CACNA1C: variants seen among roughly 807,000 people sequenced by gnomAD.
CACNA1C encodes voltage-dependent L-type calcium channel subunit alpha-1C.
A neutral mutation model predicts 229.0 loss-of-function variants in CACNA1C; 30 were observed. The ratio of observed to expected loss-of-function variants is 0.13; its 90% CI spans 0.10 to 0.18. The LOEUF is 0.18. CACNA1C is among the 10% of genes least tolerant of loss of function. CACNA1C has a pLI of 1.00. For missense variants in CACNA1C, 1,658 were observed against 2,845.0 expected, an observed-to-expected ratio of 0.58 and a Z score of 9.49; for synonymous variants, 1,114 against 1,132.5, an observed-to-expected ratio of 0.98 and a Z score of 0.33.
At chr12:2,451,104 A>G (rs1024287984) in intron 4 of CACNA1C, among the ~76,000 whole-genome samples, 1 of 152,188 alleles carries the variant, frequency 6.6e-6, no homozygotes, top group Non-Finnish European at 1.5e-5. Context: ...TACGAGGTGC[A>G]CTAAGGTTAT....
chr12:2,122,956 A>C (rs552774944), intron 3 of CACNA1C, among the ~76,000 whole-genome samples: 32 of 152,260 alleles, frequency 2.1e-4, no homozygotes, highest in Admixed American at 5.2e-4. Flanking sequence ...TGGTCTGGGG[A>C]TGCGCATCAA....
chr12:2,551,450 C>G (rs117815093), intron 10 of CACNA1C, among the ~76,000 whole-genome samples: 1 of 152,206 alleles, frequency 6.6e-6, no homozygotes, highest in African/African-American at 2.4e-5. Context: ...TAGCCACATT[C>G]GTACTCTGTG....
chr12:2,398,003 C>T (rs1024732652), intron 3 of CACNA1C, among the ~76,000 whole-genome samples: 1 of 152,222 alleles, frequency 6.6e-6, no homozygotes. Flanking sequence ...CCTGTCACTC[C>T]TGAATCTCCA....
Position 2,319,659 on chromosome 12 carries a change from A to C in CACNA1C, c.478-129317A>C, listed in dbSNP as rs761800226. Reference sequence around the variant, plus strand: ...CTCATCTTCTTCAGACATTTCTTTTACTCTTTGGCTTGCTCTTGCTGTGTA... The same window carrying C: ...CTCATCTTCTTCAGACATTTCTTTTCCTCTTTGGCTTGCTCTTGCTGTGTA... On this transcript the variant is annotated intron_variant, in intron 3 of 46. Coordinates refer to ENST00000399655, the MANE Select transcript of CACNA1C (RefSeq NM_000719.7). This position sits in a 1 kb window ranked among gnomAD's most constrained non-coding sequence, Gnocchi z 4.0. 6.6e-6 allele frequency among the ~76,000 whole-genome samples: 1 copy of C among 150,874 alleles called. No individual in the cohort carries two copies. Among genetic ancestry groups the C allele is most frequent in the Non-Finnish European group, 1.5e-5 (1 of 67,674 alleles).
chr12:2,004,726 C>CT, intron 1 of CACNA1C: 1 of 428,558 alleles, frequency 2.3e-6, no homozygotes, highest in Admixed American at 4.2e-5. Context: ...AGCCTTTGAG[C>CT]TGTGTGTGCG....
chr12:2,171,274 C>T (rs984330327), intron 3 of CACNA1C, among the ~76,000 whole-genome samples: 2 of 152,122 alleles, frequency 1.3e-5, no homozygotes, highest in Non-Finnish European at 2.9e-5. Context: ...CAAACTGGCC[C>T]CGTAGAGATT....
At chr12:1,979,007 AAGTCTT>A (rs2035282413) in intron 1 of CACNA1C, among the ~76,000 whole-genome samples, 1 of 152,104 alleles carries the variant, frequency 6.6e-6, no homozygotes, top group Admixed American at 6.5e-5. Context: ...ATTTGTGTAA[AAGTCTT>A]TGTGTGGACA....
chr12:2,649,681 GTTTT>G lies in CACNA1C; in HGVS notation c.3945+1178_3945+1181del, dbSNP rs3216324. 1.4e-5 allele frequency among the ~76,000 whole-genome samples: 2 copies of G among 139,452 alleles called. No homozygotes were observed. The highest frequency in any genetic ancestry group is 2.3e-4 in the South Asian group (1 of 4,300). The allele number at this position is 139,452 out of a possible 152,430, so 91.5% of individuals were successfully genotyped here. A position where few individuals can be genotyped will look rare whatever the true frequency, so the allele number is the denominator to read the frequency against. On this transcript the variant is annotated intron_variant, in intron 31 of 46. Transcript: ENST00000399655. This position sits in a 1 kb window ranked among gnomAD's most constrained non-coding sequence, Gnocchi z 4.4. ...AAGCTTGGTGTTTGGCGTTTTTTGG[GTTTT>G]TTTGTTTGTTTATTTTGTTTTTTTA...
chr12:2,305,452 G>A (rs2094936380), intron 3 of CACNA1C, among the ~76,000 whole-genome samples: 1 of 152,160 alleles, frequency 6.6e-6, no homozygotes, highest in Admixed American at 6.5e-5. Flanking sequence ...GTCCTACCTG[G>A]GGTGTTTTCC....
chr12:2,010,253 A>AT (rs1403390473), intron 1 of CACNA1C, among the ~76,000 whole-genome samples: 2 of 152,248 alleles, frequency 1.3e-5, no homozygotes, highest in African/African-American at 4.8e-5. Flanking sequence ...ACAGAGGAAG[A>AT]TAAAATATAG....
At position 2,697,703 on chromosome 12, in the gene CACNA1C, G is replaced by T. The variant is rs1603475971; in HGVS notation, c.*6504G>T. On this transcript the variant is annotated 3_prime_UTR_variant, in exon 47 of 47. Coordinates refer to ENST00000399655, the MANE Select transcript of CACNA1C (RefSeq NM_000719.7). Reference sequence around the variant, plus strand: ...CAGTCTTACTGTTGTAAATATCATTGTACAGTTTGTAATCCTCAAATAATC... The same window carrying T: ...CAGTCTTACTGTTGTAAATATCATTTTACAGTTTGTAATCCTCAAATAATC... 6.6e-6 allele frequency: 1 copy of T among 151,092 alleles called. No individual in the cohort carries two copies. The highest frequency in any genetic ancestry group is 1.5e-5 in the Non-Finnish European group (1 of 67,872). 9.4% of individuals were successfully genotyped at this position (151,092 alleles called of 1,614,324 possible).
rs143876435 is a variant in CACNA1C, at chr12:2,054,282, T to G, written c.49+671T>G. ...CCGCTCACCTACACCCACCCACCTC[T>G]CCACTGCTGTTGACCCCGAGCGCGC... is the stretch of plus-strand genomic sequence containing the variant. On this transcript the variant is annotated intron_variant, in intron 1 of 46. Coordinates refer to ENST00000399655, the MANE Select transcript of CACNA1C (RefSeq NM_000719.7). The surrounding 1 kb of genome is among the most constrained non-coding windows in gnomAD (Gnocchi z 5.5). 5.1e-3 allele frequency among the ~76,000 whole-genome samples: 771 copies of G among 152,134 alleles called. 3 individuals are homozygous for G. Among genetic ancestry groups the G allele is most frequent in the Middle Eastern group, 0.01 (3 of 294 alleles).
At chr12:2,332,994 G>A (rs1224736638) in intron 3 of CACNA1C, among the ~76,000 whole-genome samples, 4 of 152,184 alleles carry the variant, frequency 2.6e-5, no homozygotes, top group Non-Finnish European at 5.9e-5. Flanking sequence ...GTGACTGTGT[G>A]ACGACAGTGT....
At chr12:2,682,203 G>C in intron 42 of CACNA1C, 1 of 613,742 alleles carries the variant, frequency 1.6e-6, no homozygotes, top group East Asian at 2.7e-5. Flanking sequence ...CAGCCTCTAA[G>C]TTAGGCAGGG....
intron 9 of CACNA1C, among the ~76,000 whole-genome samples, chr12:2,522,680 G>T (rs1336765298): frequency 6.6e-6 from 1 of 152,178 alleles, no homozygotes; most frequent in Non-Finnish European, 1.5e-5. Flanking sequence ...TAGATTCTGA[G>T]TTTGGATCAT....
At chr12:2,148,510 C>A (rs935457611) in intron 3 of CACNA1C, among the ~76,000 whole-genome samples, 4 of 151,218 alleles carry the variant, frequency 2.6e-5, no homozygotes, top group African/African-American at 9.7e-5. Flanking sequence ...TGATTACCAT[C>A]TACAGCATGT....
At chr12:2,611,409 G>A (rs2077697379) in intron 28 of CACNA1C, among the ~76,000 whole-genome samples, 1 of 143,470 alleles carries the variant, frequency 7.0e-6, no homozygotes, top group Admixed American at 6.9e-5. Context: ...TGCATTCCTT[G>A]TTGGTTGATC....
upstream of CACNA1C, among the ~76,000 whole-genome samples, chr12:2,050,751 C>T (rs923068205): frequency 1.3e-5 from 2 of 152,320 alleles, no homozygotes; most frequent in South Asian, 2.1e-4. Context: ...CAGCTTAATA[C>T]TTCTCCCAGG....
chr12:2,549,616 C>T (rs1168773409), intron 9 of CACNA1C, among the ~76,000 whole-genome samples: 2 of 152,194 alleles, frequency 1.3e-5, no homozygotes, highest in African/African-American at 2.4e-5. Flanking sequence ...AAAGCCTCTA[C>T]AGCTTCTTCC....
Sources: gnomAD v4.1 joint callset for allele counts (sites outside exome capture counted in the v4.1 genomes callset) on GRCh38, gnomAD v4.1.1 for gene constraint, Gnocchi (gnomAD v3.1) non-coding constraint, MANE v1.5 for transcripts, NCBI Gene and HGNC (gene_info 2026-07-23, HGNC 2026-07-21) for gene names.